SLC4A10: variants seen among roughly 807,000 people sequenced by gnomAD.
The protein encoded by SLC4A10 is sodium-driven chloride bicarbonate exchanger.
In SLC4A10, 42 loss-of-function variants were observed where a neutral mutation model predicts 137.7. That is an observed-to-expected ratio of 0.30 (90% CI 0.24 to 0.39). The LOEUF (loss-of-function observed/expected upper bound fraction) is 0.39. SLC4A10 is among the 10% of genes least tolerant of loss of function. The pLI is 1.00. For missense variants in SLC4A10, 925 were observed against 1,355.0 expected (o/e 0.68, Z 4.98); for synonymous variants, 474 against 464.1 (o/e 1.02, Z -0.27).
chr2:161,946,356 A>G (rs1032503309), intron 16 of SLC4A10, among the ~76,000 whole-genome samples: 3 of 152,050 alleles, frequency 2.0e-5, no homozygotes, highest in African/African-American at 2.4e-5. Flanking sequence ...TTGTTTTCAG[A>G]TGACAGTGTA....
At chr2:161,943,052 A>G (rs2105763367) in intron 16 of SLC4A10, among the ~76,000 whole-genome samples, 155 bp downstream of exon 16, 1 of 152,272 alleles carries the variant, frequency 6.6e-6, no homozygotes, top group African/African-American at 2.4e-5. Flanking sequence ...GCTCATCAGT[A>G]AACTGGGGTT....
chr2:161,773,758 A>G (rs1190860015), intron 2 of SLC4A10, among the ~76,000 whole-genome samples: 3 of 151,912 alleles, frequency 2.0e-5, no homozygotes, highest in African/African-American at 7.2e-5. Context: ...TGTGTATTAT[A>G]CATTCTGCTA....
intron 1 of SLC4A10, among the ~76,000 whole-genome samples, chr2:161,695,616 C>A (rs1332073390): frequency 6.6e-6 from 1 of 152,088 alleles, no homozygotes; most frequent in African/African-American, 2.4e-5. Context: ...CAATATTGTG[C>A]TGTTACAAAT....
At chr2:161,718,711 C>T (rs2125102917) in intron 1 of SLC4A10, among the ~76,000 whole-genome samples, 1 of 152,210 alleles carries the variant, frequency 6.6e-6, no homozygotes, top group East Asian at 1.9e-4. Flanking sequence ...TGTTTTACTT[C>T]CACTTATGTG....
At chr2:161,931,531 T>C (rs1490057911) in intron 15 of SLC4A10, 2 of 152,222 alleles carry the variant, frequency 1.3e-5, no homozygotes, top group East Asian at 3.8e-4. Flanking sequence ...TAAAAATGTG[T>C]TAATACTTTT....
chr2:161,766,481 T>A (rs2050808619), intron 1 of SLC4A10, among the ~76,000 whole-genome samples: 1 of 152,140 alleles, frequency 6.6e-6, no homozygotes, highest in African/African-American at 2.4e-5. Context: ...TGCAGTTGTT[T>A]TTAAGAGACT....
chr2:161,984,827 T>C lies in SLC4A10; in HGVS notation c.*1675T>C, dbSNP rs958031982. On this transcript the variant is annotated 3_prime_UTR_variant, in exon 27 of 27. Transcript: ENST00000446997. ...TGTATTTTATAATACAGATACTACATTGTAAACATTTCCATTGTTTTATGA... is the reference window on the plus strand; with the variant it reads ...TGTATTTTATAATACAGATACTACACTGTAAACATTTCCATTGTTTTATGA... The C allele has an allele frequency of 6.6e-6, 1 of 152,068 alleles. No individual in the cohort carries two copies. The allele number at this position is 152,068 out of a possible 1,614,324, so 9.4% of individuals were successfully genotyped here.
intron 1 of SLC4A10, among the ~76,000 whole-genome samples, chr2:161,704,917 C>T (rs2043494431): frequency 6.6e-6 from 1 of 151,562 alleles, no homozygotes; most frequent in Non-Finnish European, 1.5e-5. Flanking sequence ...AGATGAACGA[C>T]TGAACATTTT....
chr2:161,644,971 T>C (rs768144559), intron 1 of SLC4A10, among the ~76,000 whole-genome samples: 1 of 152,210 alleles, frequency 6.6e-6, no homozygotes, highest in Non-Finnish European at 1.5e-5. Context: ...TTAACCCATC[T>C]AATGCTTTAT....
chr2:161,871,202 A>G (rs1422459524), intron 6 of SLC4A10, among the ~76,000 whole-genome samples: 1 of 151,854 alleles, frequency 6.6e-6, no homozygotes, highest in Non-Finnish European at 1.5e-5. Context: ...TCAGTCAGAG[A>G]CTGAAGTGAT....
At chr2:161,812,988 A>T (rs760795310) in intron 3 of SLC4A10, among the ~76,000 whole-genome samples, 5 of 151,794 alleles carry the variant, frequency 3.3e-5, no homozygotes, top group African/African-American at 4.8e-5. Flanking sequence ...GTTTTCATTA[A>T]TTTCTTTCTT....
chr2:161,713,172 T>TA (rs1465433614), intron 1 of SLC4A10, among the ~76,000 whole-genome samples: 1 of 151,830 alleles, frequency 6.6e-6, no homozygotes, highest in Non-Finnish European at 1.5e-5. Context: ...AACTTAGACT[T>TA]ACCACAGGAA....
chr2:161,673,171 T>G (rs2039920899), intron 1 of SLC4A10, among the ~76,000 whole-genome samples: 1 of 152,222 alleles, frequency 6.6e-6, no homozygotes, highest in Non-Finnish European at 1.5e-5. Flanking sequence ...ACAACATTCA[T>G]GGATGAGTGT....
intron 3 of SLC4A10, 66 bp from the exon 4 acceptor site, chr2:161,839,723 G>A (rs1428210693): frequency 6.3e-7 from 1 of 1,581,480 alleles, no homozygotes; most frequent in Non-Finnish European, 8.6e-7. Flanking sequence ...GGCAGTGACT[G>A]GGACATTTTA....
intron 15 of SLC4A10, among the ~76,000 whole-genome samples, chr2:161,919,485 C>T (rs571572283): frequency 6.6e-6 from 1 of 152,112 alleles, no homozygotes; most frequent in Non-Finnish European, 1.5e-5. Flanking sequence ...ATAAAAACCC[C>T]AGACTCAGCC....
intron 10 of SLC4A10, among the ~76,000 whole-genome samples, chr2:161,889,481 G>A (rs1391468993): frequency 6.6e-6 from 1 of 151,990 alleles, no homozygotes; most frequent in Non-Finnish European, 1.5e-5. Flanking sequence ...GCCTTTTCAG[G>A]GATTCAACTT....
chr2:161,959,879 C>T (rs528255149), intron 21 of SLC4A10, among the ~76,000 whole-genome samples: 4 of 152,254 alleles, frequency 2.6e-5, no homozygotes, highest in Admixed American at 6.5e-5. Context: ...ATTCTTCCCA[C>T]GTATTTCTTT....
At chr2:161,781,548 G>T (rs1175408773) in intron 2 of SLC4A10, among the ~76,000 whole-genome samples, 1 of 152,038 alleles carries the variant, frequency 6.6e-6, no homozygotes, top group Admixed American at 6.6e-5. Context: ...ATGAAATCAT[G>T]TTTAATTATA....
chr2:161,829,289 A>T (rs575346356), intron 3 of SLC4A10, among the ~76,000 whole-genome samples: 9 of 152,266 alleles, frequency 5.9e-5, no homozygotes, highest in Non-Finnish European at 8.8e-5. Flanking sequence ...ATGGTATAGC[A>T]TTTATGTGAA....
Sources: gnomAD v4.1 joint callset for allele counts (sites outside exome capture counted in the v4.1 genomes callset) on GRCh38, gnomAD v4.1.1 for gene constraint, MANE v1.5 for transcripts, NCBI Gene and HGNC (gene_info 2026-07-23, HGNC 2026-07-21) for gene names.